FOXP2: variants seen among roughly 807,000 people sequenced by gnomAD.
FOXP2 encodes forkhead box P2, also known as forkhead box protein P2.
A neutral mutation model predicts 115.8 loss-of-function variants in FOXP2; 12 were observed. That is an observed-to-expected ratio of 0.10 (90% confidence interval 0.07 to 0.17). The LOEUF (loss-of-function observed/expected upper bound fraction) is 0.17. Ranked by LOEUF, FOXP2 falls within the 10% of genes least tolerant of loss-of-function variation. FOXP2 has a pLI of 1.00. For synonymous variants in FOXP2, 328 were observed against 297.7 expected (o/e 1.10, Z -1.05); for missense variants, 629 against 843.5 (o/e 0.75, Z 3.15).
At chr7:114,643,446 A>G (rs1347987167) in intron 7 of FOXP2, among the ~76,000 whole-genome samples, 1 of 152,194 alleles carries the variant, frequency 6.6e-6, no homozygotes, top group Non-Finnish European at 1.5e-5. Flanking sequence ...TTGCATGATG[A>G]AATAAGTAAA....
At chr7:114,678,062 A>G (rs963492462) in intron 16 of FOXP2, among the ~76,000 whole-genome samples, 3 of 152,214 alleles carry the variant, frequency 2.0e-5, no homozygotes, top group African/African-American at 7.2e-5. Flanking sequence ...ATGCACATGC[A>G]CGTGGGGAAT....
intron 1 of FOXP2, among the ~76,000 whole-genome samples, chr7:114,134,992 T>C (rs1240509853): frequency 6.6e-6 from 1 of 152,220 alleles, no homozygotes; most frequent in Non-Finnish European, 1.5e-5. Context: ...TTCTTCACTG[T>C]TATAAATAAA....
At chr7:114,340,351 T>C (rs1439728821) in intron 2 of FOXP2, among the ~76,000 whole-genome samples, 1 of 151,092 alleles carries the variant, frequency 6.6e-6, no homozygotes, top group African/African-American at 2.4e-5. Context: ...AATGCATGTA[T>C]AGACACACTA....
intron 3 of FOXP2, among the ~76,000 whole-genome samples, chr7:114,614,073 C>G (rs1803787391): frequency 6.6e-6 from 1 of 152,140 alleles, no homozygotes; most frequent in South Asian, 2.1e-4. Context: ...ATATGTATAA[C>G]TGAGGATAAG....
intron 1 of FOXP2, among the ~76,000 whole-genome samples, chr7:114,122,842 T>C (rs765562921): frequency 5.9e-5 from 9 of 152,102 alleles, no homozygotes; most frequent in Non-Finnish European, 1.0e-4. Flanking sequence ...TTATTACTTA[T>C]GAATTTGATA....
At chr7:114,583,890 CTAAAT>C (rs1426544729) in intron 3 of FOXP2, among the ~76,000 whole-genome samples, 1 of 152,158 alleles carries the variant, frequency 6.6e-6, no homozygotes, top group Non-Finnish European at 1.5e-5. Context: ...GCTCTTCAAA[CTAAAT>C]TAATTTTTTT....
intron 2 of FOXP2, among the ~76,000 whole-genome samples, chr7:114,502,225 A>C (rs1797594815): frequency 1.3e-5 from 2 of 152,124 alleles, no homozygotes; most frequent in Admixed American, 1.3e-4. Flanking sequence ...CCTTATATTA[A>C]AAAGGAAATT....
chr7:114,159,066 C>G (rs1792753496), upstream of FOXP2, among the ~76,000 whole-genome samples: 1 of 151,936 alleles, frequency 6.6e-6, no homozygotes, highest in African/African-American at 2.4e-5. Flanking sequence ...TCATTTGCAA[C>G]AAGTAGTTGT....
At chr7:114,426,724 GT>G in intron 2 of FOXP2, 45 bp downstream of exon 2, 1 of 1,589,656 alleles carries the variant, frequency 6.3e-7, no homozygotes, top group Non-Finnish European at 8.6e-7. Flanking sequence ...AAATAAGCTT[GT>G]TTTATTGAAT....
intron 3 of FOXP2, among the ~76,000 whole-genome samples, chr7:114,628,189 T>C (rs1263412374): frequency 6.6e-6 from 1 of 152,144 alleles, no homozygotes; most frequent in Non-Finnish European, 1.5e-5. Flanking sequence ...TTTGTATTTA[T>C]AGCACAGTGA....
chr7:114,317,989 C>T (rs1428479733), intron 2 of FOXP2, among the ~76,000 whole-genome samples: 2 of 152,100 alleles, frequency 1.3e-5, no homozygotes, highest in Non-Finnish European at 2.9e-5. Flanking sequence ...GAAGTTTTTG[C>T]TTGTCACTTT....
At chr7:114,332,982 T>C (rs184332051) in intron 2 of FOXP2, among the ~76,000 whole-genome samples, 5 of 152,254 alleles carry the variant, frequency 3.3e-5, no homozygotes, top group East Asian at 1.9e-4. Context: ...GAAGAACGTA[T>C]GGAAGATATA....
intron 1 of FOXP2, among the ~76,000 whole-genome samples, chr7:114,185,483 T>C (rs1020879705): frequency 6.6e-6 from 1 of 152,214 alleles, no homozygotes; most frequent in African/African-American, 2.4e-5. Flanking sequence ...CTTTGCAATA[T>C]AAAGCACTTA....
At chr7:114,326,489 C>A (rs925691217) in intron 2 of FOXP2, among the ~76,000 whole-genome samples, 7 of 152,074 alleles carry the variant, frequency 4.6e-5, no homozygotes, top group African/African-American at 1.4e-4. Context: ...AATGTAAAGC[C>A]CTAAGCTTCA....
In FOXP2 at chr7:114,520,644, ATAGG is replaced by A. The variant is rs974659126; in HGVS notation, c.169-13961_169-13958del. On this transcript the variant is annotated intron_variant, in intron 2 of 16. Coordinates refer to ENST00000350908, the MANE Select transcript of FOXP2 (RefSeq NM_014491.4). ...ACTAATTCTAAGTGAAAATACAAACATAGGTAGGTAGGTAGATAGATAGATAGAC... is the reference window on the plus strand; with the variant it reads ...ACTAATTCTAAGTGAAAATACAAACATAGGTAGGTAGATAGATAGATAGAC... 3.2e-4 allele frequency among the ~76,000 whole-genome samples: 48 copies of A among 152,108 alleles called. 1 individual carries two copies. The highest frequency in any genetic ancestry group is 7.0e-4 in the African/African-American group (29 of 41,454).
intron 2 of FOXP2, among the ~76,000 whole-genome samples, chr7:114,478,827 A>G (rs1796399308): frequency 6.6e-6 from 1 of 151,670 alleles, no homozygotes; most frequent in Admixed American, 6.6e-5. Flanking sequence ...ACTTGGTTAA[A>G]TTTTGCCCTT....
intron 8 of FOXP2, chr7:114,645,119 G>A (rs1229648775): frequency 1.5e-5 from 2 of 130,826 alleles, no homozygotes; most frequent in East Asian, 4.4e-4. Flanking sequence ...AATATTATGT[G>A]AGTCATCCTA....
chr7:114,490,182 T>C (rs1359739993), intron 2 of FOXP2, among the ~76,000 whole-genome samples: 1 of 152,150 alleles, frequency 6.6e-6, no homozygotes, highest in Non-Finnish European at 1.5e-5. Context: ...TGTCTTTCAA[T>C]AGATAAATAG....
chr7:114,413,610 G>A (rs1007376718), upstream of FOXP2, among the ~76,000 whole-genome samples: 2 of 152,124 alleles, frequency 1.3e-5, no homozygotes, highest in South Asian at 4.1e-4. Context: ...CCTTTCAGGG[G>A]AGGTGGAGAA....
Sources: gnomAD v4.1 joint callset for allele counts (sites outside exome capture counted in the v4.1 genomes callset) on GRCh38, gnomAD v4.1.1 for gene constraint, MANE v1.5 for transcripts, NCBI Gene and HGNC (gene_info 2026-07-23, HGNC 2026-07-21) for gene names.